Variants in ATP9A observed in about 807,000 individuals in gnomAD.
The protein encoded by ATP9A is ATPase phospholipid transporting 9A, also known as probable phospholipid-transporting ATPase IIA.
ATP9A carries 52 observed loss-of-function variants against 144.1 expected under a neutral mutation model. The observed-to-expected ratio is 0.36, with a 90% confidence interval of 0.29 to 0.45. The LOEUF is 0.45. Ranked by LOEUF, ATP9A falls within the 20% of genes least tolerant of loss-of-function variation. The pLI is 1.00. For missense variants in ATP9A, 947 were observed against 1,392.7 expected, an observed-to-expected ratio of 0.68 and a Z score of 5.09; for synonymous variants, 582 against 557.4, an observed-to-expected ratio of 1.04 and a Z score of -0.62.
intron 1 of ATP9A, among the ~76,000 whole-genome samples, chr20:51,743,685 G>A (rs1443925418): frequency 6.9e-6 from 1 of 144,558 alleles, no homozygotes; most frequent in Admixed American, 6.8e-5. Flanking sequence ...TTATAGGCAT[G>A]AGCCACCGTG....
rs1233857939 is a variant in ATP9A, at chr20:51,682,205, C to T, written c.800-5997G>A. ...AAACCCCCGCAGCATGCAATTTACC[C>T]GTGTAGCAAATCTGCACATGTACCC... On this transcript the variant is annotated intron_variant, in intron 9 of 27. Transcript: ENST00000338821. Among the ~76,000 whole-genome samples, 3 of 151,950 alleles carry T rather than the reference C, an allele frequency of 2.0e-5. No homozygotes were observed. In the East Asian group the frequency reaches 5.8e-4, roughly 29 times the overall value.
intron 13 of ATP9A, among the ~76,000 whole-genome samples, chr20:51,669,268 G>C (rs73133661): frequency 0.03 from 4,546 of 152,198 alleles, 97 homozygotes; most frequent in Middle Eastern, 0.048. Context: ...AACTCCACCA[G>C]CAATTCTGAC....
At chr20:51,747,518 GA>G (rs1462250119) in intron 1 of ATP9A, among the ~76,000 whole-genome samples, 1 of 152,158 alleles carries the variant, frequency 6.6e-6, no homozygotes, top group Non-Finnish European at 1.5e-5. Flanking sequence ...AAGAAAAAAA[GA>G]AGGCAAGAAA....
chr20:51,627,616 T>C lies in ATP9A; in HGVS notation c.1829A>G (p.Gln610Arg). Residue 610 changes from glutamine to arginine, a missense_variant, in exon 17 of 28, where the codon CAG (glutamine) becomes CGG (arginine). Transcript: ENST00000338821. ...VVAKKSLAEE[Q>R]YQDFEARYVQ... ...ACAACTTACTTCAAAGTCCTGATAC[T>C]GCTCCTCTGCAAGAGACTTCTTTGC... The C allele has an allele frequency of 1.2e-6, 2 of 1,614,168 alleles. No individual in the cohort carries two copies. Among genetic ancestry groups the C allele is most frequent in the Non-Finnish European group, 1.7e-6 (2 of 1,179,992 alleles).
intron 13 of ATP9A, among the ~76,000 whole-genome samples, chr20:51,658,942 C>T (rs1167090726): frequency 1.4e-5 from 2 of 143,836 alleles, no homozygotes; most frequent in Non-Finnish European, 3.0e-5. Flanking sequence ...GCCCTCGCAT[C>T]TGATCAACAC....
intron 1 of ATP9A, among the ~76,000 whole-genome samples, chr20:51,745,728 C>T (rs2077805268): frequency 6.6e-6 from 1 of 152,174 alleles, no homozygotes; most frequent in Non-Finnish European, 1.5e-5. Flanking sequence ...CACTAGGCTT[C>T]TGTGATGATG....
chr20:51,601,022 T>C lies in ATP9A; in HGVS notation c.*189A>G. ...GGGTTCAGACAGGCCCAGATGGGTC[T>C]CTTTCAGGACCCTCCCTCCCGTTGA... On this transcript the variant is annotated 3_prime_UTR_variant, in exon 28 of 28. Coordinates refer to ENST00000338821, the MANE Select transcript of ATP9A (RefSeq NM_006045.3). 1.7e-6 allele frequency: 1 copy of C among 583,828 alleles called. No homozygotes were observed. The highest frequency in any genetic ancestry group is 3.7e-5 in the Admixed American group (1 of 27,094). 36.2% of individuals were successfully genotyped at this position (583,828 alleles called of 1,614,324 possible). A position where few individuals can be genotyped will look rare whatever the true frequency, so the allele number is the denominator to read the frequency against.
intron 9 of ATP9A, among the ~76,000 whole-genome samples, chr20:51,681,490 C>T (rs1170674975): frequency 2.2e-5 from 3 of 136,868 alleles, no homozygotes; most frequent in East Asian, 2.0e-4. Context: ...GGTGCAATTT[C>T]GGCTCATTAC....
chr20:51,625,041 G>T (rs2077242325), intron 18 of ATP9A, 151 bp downstream of exon 18: 1 of 597,714 alleles, frequency 1.7e-6, no homozygotes, highest in African/African-American at 1.9e-5. Flanking sequence ...AGTTGGAGGG[G>T]CAGAAACAGT....
chr20:51,760,772 C>T (rs111469032), intron 1 of ATP9A, among the ~76,000 whole-genome samples: 4 of 148,144 alleles, frequency 2.7e-5, no homozygotes, highest in South Asian at 4.2e-4. Flanking sequence ...CGCCTGTAAT[C>T]GCAACACTTT....
intron 14 of ATP9A, among the ~76,000 whole-genome samples, chr20:51,645,970 G>A (rs1254572177): frequency 2.0e-5 from 3 of 152,194 alleles, no homozygotes; most frequent in African/African-American, 7.2e-5. Context: ...GCCAGCAGCA[G>A]AAAACACAAC....
intron 14 of ATP9A, among the ~76,000 whole-genome samples, chr20:51,645,756 G>A (rs2077339774): frequency 6.6e-6 from 1 of 152,142 alleles, no homozygotes; most frequent in Non-Finnish European, 1.5e-5. Context: ...AACACCTCTC[G>A]ATTGTGGGCC....
chr20:51,674,253 CCA>C lies in ATP9A; in HGVS notation c.935_936del (p.Val312GlyfsTer34). On this transcript the variant is annotated frameshift_variant, in exon 11 of 28. Transcript: ENST00000338821. LOFTEE classifies it high-confidence loss of function. ...AGGGCAACCATGACCAGCGAGACCA[CCA>C]CCAGGGCACCAAAGAGGATCTTGGT... ...CLTKILFGAL[V>X]VVSLVMVALQ... is the part of the protein sequence containing the mutation. 5 of 1,613,904 alleles carry C rather than the reference CCA, an allele frequency of 3.1e-6. No homozygotes were observed. The highest frequency in any genetic ancestry group is 4.2e-6 in the Non-Finnish European group (5 of 1,179,994).
chr20:51,734,145 AT>A (rs2077753558), intron 1 of ATP9A, among the ~76,000 whole-genome samples: 1 of 142,422 alleles, frequency 7.0e-6, no homozygotes, highest in Non-Finnish European at 1.6e-5. Context: ...CACCTGGCTA[AT>A]TTTTGTAATT....
chr20:51,765,961 AAAAG>A (rs2077902146), intron 1 of ATP9A, among the ~76,000 whole-genome samples: 2 of 152,188 alleles, frequency 1.3e-5, no homozygotes, highest in Non-Finnish European at 2.9e-5. Context: ...GTCTCAAAAA[AAAAG>A]AAAGATTAGT....
chr20:51,658,896 G>GGGGGGC (rs1568807223), intron 13 of ATP9A, among the ~76,000 whole-genome samples: 3 of 118,044 alleles, frequency 2.5e-5, no homozygotes, highest in African/African-American at 9.6e-5. Context: ...GGCGGGGGGG[G>GGGGGGC]GGGGGGGAAG....
At chr20:51,654,289 A>G (rs1487829263) in intron 14 of ATP9A, among the ~76,000 whole-genome samples, 1 of 152,172 alleles carries the variant, frequency 6.6e-6, no homozygotes, top group Non-Finnish European at 1.5e-5. Flanking sequence ...CACTGCCCAA[A>G]AAAGGGAGAA....
intron 19 of ATP9A, among the ~76,000 whole-genome samples, chr20:51,621,186 G>A (rs962331295): frequency 6.6e-6 from 1 of 150,954 alleles, no homozygotes. Flanking sequence ...GCCACTCTAC[G>A]TATGACAGTG....
chr20:51,711,800 T>C (rs1415205738), intron 4 of ATP9A, among the ~76,000 whole-genome samples: 1 of 151,634 alleles, frequency 6.6e-6, no homozygotes, highest in Non-Finnish European at 1.5e-5. Flanking sequence ...GGGGGGTCAG[T>C]GATTAAAGCT....
Sources: gnomAD v4.1 joint callset for allele counts (sites outside exome capture counted in the v4.1 genomes callset) on GRCh38, gnomAD v4.1.1 for gene constraint, MANE v1.5 for transcripts, NCBI Gene and HGNC (gene_info 2026-07-23, HGNC 2026-07-21) for gene names.